D2HGDH: variants seen among roughly 807,000 people sequenced by gnomAD.
D2HGDH encodes D-2-hydroxyglutarate dehydrogenase, mitochondrial.
A neutral mutation model predicts 46.9 loss-of-function variants in D2HGDH; 31 were observed. The ratio of observed to expected loss-of-function variants is 0.66; its 90% confidence interval spans 0.50 to 0.89. The LOEUF (loss-of-function observed/expected upper bound fraction) is 0.89. Among genes scored for constraint, D2HGDH ranks in the 40% least tolerant of loss-of-function variants. The probability of loss-of-function intolerance (pLI) is 0.00; values close to 1 mark genes in which losing one functional copy is unlikely to be tolerated. For synonymous variants in D2HGDH, 364 were observed against 332.6 expected (o/e 1.09, Z -1.03); for missense variants, 698 against 720.8 (o/e 0.97, Z 0.36).
chr2:241,749,012 A>T, intron 6 of D2HGDH: 1 of 1,115,026 alleles, frequency 9.0e-7, no homozygotes, highest in Non-Finnish European at 1.1e-6. Context: ...AGGCCCTGTG[A>T]GGATGGTCCT....
At chr2:241,736,662 C>T (rs1282162550) in intron 2 of D2HGDH, among the ~76,000 whole-genome samples, 1 of 146,432 alleles carries the variant, frequency 6.8e-6, no homozygotes, top group African/African-American at 2.5e-5. Context: ...CTGCAAAGAC[C>T]GTTTATCCGT....
chr2:241,743,486 C>A lies in D2HGDH; in HGVS notation c.491-136C>A. 1.1e-6 allele frequency: 1 copy of A among 921,132 alleles called. No individual in the cohort carries two copies. The allele number at this position is 921,132 out of a possible 1,614,324, so 57.1% of individuals were successfully genotyped here. ...TCCTTGGGCCAGCGATGTGGGGGTG[C>A]CTCTTCTCCTCAGCCCTGGCGCTGA... On this transcript the variant is annotated intron_variant, in intron 4 of 9. Coordinates refer to ENST00000321264, the MANE Select transcript of D2HGDH (RefSeq NM_152783.5). The surrounding 1 kb of genome is among the most constrained non-coding windows in gnomAD (Gnocchi z 4.8).
intron 6 of D2HGDH, among the ~76,000 whole-genome samples, chr2:241,745,668 C>T (rs1695669383): frequency 6.6e-6 from 1 of 152,174 alleles, no homozygotes; most frequent in Admixed American, 6.5e-5. Flanking sequence ...CTTTCTCTGC[C>T]CTCCACTCTC....
chr2:241,747,148 C>G (rs1020550865), intron 6 of D2HGDH, among the ~76,000 whole-genome samples: 9 of 152,032 alleles, frequency 5.9e-5, no homozygotes, highest in African/African-American at 2.2e-4. Context: ...CATGTAACTC[C>G]TGGGCTAAAC....
Position 241,743,848 on chromosome 2 carries a change from G to A in D2HGDH, c.684+33G>A, listed in dbSNP as rs768225022. The A allele has an allele frequency of 1.3e-5, 20 of 1,560,672 alleles. No individual in the cohort carries two copies. The highest frequency in any genetic ancestry group is 5.9e-5 in the South Asian group (5 of 85,378). On this transcript the variant is annotated intron_variant, in intron 5 of 9. Transcript: ENST00000321264. This position sits in a 1 kb window ranked among gnomAD's most constrained non-coding sequence, Gnocchi z 4.8. ...GGGGCAGCTGCTTGGTGCAGAGGTC[G>A]CCACGGGGTGTCCTCTCACGGCTCT...
Position 241,743,247 on chromosome 2 carries a change from T to G in D2HGDH, c.491-375T>G, listed in dbSNP as rs983453974. On this transcript the variant is annotated intron_variant, in intron 4 of 9. Coordinates refer to ENST00000321264, the MANE Select transcript of D2HGDH (RefSeq NM_152783.5). This position sits in a 1 kb window ranked among gnomAD's most constrained non-coding sequence, Gnocchi z 4.8. ...ACTGTTGGGTGTTGAGCAGCATCCTTGGCCTCCGCCTACAAGGTGCCCATG... is the reference window on the plus strand; with the variant it reads ...ACTGTTGGGTGTTGAGCAGCATCCTGGGCCTCCGCCTACAAGGTGCCCATG... Among the ~76,000 whole-genome samples the G allele has an allele frequency of 1.3e-5, 2 of 152,184 alleles. No individual in the cohort carries two copies. Among genetic ancestry groups the G allele is most frequent in the African/African-American group, 4.8e-5 (2 of 41,448 alleles).
rs78941951 is a variant in D2HGDH at position 241,760,131 on chromosome 2, C to T, written c.1306+4117C>T. ...AATCAGTCGAAGGACTTCGCCACAG[C>T]GTGGGTGGGCCTTACCCAATCAGTC... On this transcript the variant is annotated intron_variant, in intron 9 of 9. Coordinates refer to ENST00000321264, the MANE Select transcript of D2HGDH (RefSeq NM_152783.5). Among the ~76,000 whole-genome samples the T allele has an allele frequency of 5.8e-3, 614 of 106,354 alleles. 34 individuals are homozygous for T. The highest frequency in any genetic ancestry group is 9.5e-3 in the Admixed American group (108 of 11,318). 69.8% of individuals were successfully genotyped at this position (106,354 alleles called of 152,430 possible). A position where few individuals can be genotyped will look rare whatever the true frequency, so the allele number is the denominator to read the frequency against.
Position 241,735,487 on chromosome 2 carries a change from C to T in D2HGDH, c.263C>T (p.Pro88Leu), listed in dbSNP as rs750320267. Residue 88 changes from proline (P) to leucine (L), a missense_variant, in exon 2 of 10, where the codon CCC becomes CTC. Transcript: ENST00000321264. The part of the protein sequence containing the change: ...VVTDPEALQA[P>L]NVDWLRTLRG... ...ACGGACCCGGAAGCGCTGCAGGCTC[C>T]CAACGTGGACTGGTTGCGGACGCTG... The T allele has an allele frequency of 3.1e-6, 5 of 1,608,234 alleles. No homozygotes were observed. The highest frequency in any genetic ancestry group is 3.3e-5 in the Admixed American group (2 of 59,982).
chr2:241,735,505 G>A lies in D2HGDH; in HGVS notation c.281G>A (p.Arg94Gln). 6.2e-7 allele frequency: 1 copy of A among 1,606,710 alleles called. No homozygotes were observed. ...ALQAPNVDWLRTLRGCSKVLL... is the reference protein window; with the variant it reads ...ALQAPNVDWLQTLRGCSKVLL... ...CAGGCTCCCAACGTGGACTGGTTGC[G>A]GACGCTGCGAGGTGGGTGAGGCTTG... The change falls in exon 2 of 10, where the codon CGG (arginine) becomes CAG (glutamine). Residue 94 changes from arginine (R) to glutamine (Q), a missense_variant. Coordinates refer to ENST00000321264, the MANE Select transcript of D2HGDH (RefSeq NM_152783.5).
At position 241,767,936 on chromosome 2, in the gene D2HGDH, C is replaced by G. The variant is rs575650000; in HGVS notation, c.1533C>G (p.Leu511=). ...CCCTGCTGGACCCCAAGGGCATCCT[C>G]AACCCCTACAAGACGCTGCCCAGCC... The part of the protein sequence containing the change: ...LKALLDPKGI[L]NPYKTLPSQA The change falls in exon 10 of 10, where the codon CTC becomes CTG. Residue 511 remains leucine (L), a synonymous_variant. Transcript: ENST00000321264. The G allele has an allele frequency of 2.5e-6, 4 of 1,598,996 alleles. No homozygotes were observed. The highest frequency in any genetic ancestry group is 2.2e-5 in the South Asian group (2 of 89,384).
Position 241,758,769 on chromosome 2 carries a change from A to ATGTGTGTGTGTGTGTGTG in D2HGDH, c.1306+2781_1306+2798dup, listed in dbSNP as rs558559121. Among the ~76,000 whole-genome samples the ATGTGTGTGTGTGTGTGTG allele has an allele frequency of 1.4e-3, 189 of 131,956 alleles. 1 individual carries two copies. The highest frequency in any genetic ancestry group is 3.7e-3 in the East Asian group (16 of 4,336). The allele number at this position is 131,956 out of a possible 152,430, so 86.6% of individuals were successfully genotyped here. On this transcript the variant is annotated intron_variant, in intron 9 of 9. Coordinates refer to ENST00000321264, the MANE Select transcript of D2HGDH (RefSeq NM_152783.5). ...TATACCGCCCCCCGCCCCACAATATATGTGTGTGTGTGTGTGTGTGTGTGT... is the reference window on the plus strand; with the variant it reads ...TATACCGCCCCCCGCCCCACAATATATGTGTGTGTGTGTGTGTGTGTGTGTGTGTGTGTGTGTGTGTGT...
rs554153417 is a variant in D2HGDH, at chr2:241,767,677, C to A, written c.1307-33C>A. The A allele has an allele frequency of 4.3e-6, 7 of 1,611,932 alleles. No homozygotes were observed. In the East Asian group the frequency reaches 1.6e-4, roughly 36 times the overall value. ...GAGTGGGGTCCTGGGGGCTGCCCTG[C>A]CCAGCCTGACCCATGTGCCCTTGTC... On this transcript the variant is annotated intron_variant, in intron 9 of 9. Coordinates refer to ENST00000321264, the MANE Select transcript of D2HGDH (RefSeq NM_152783.5).
At position 241,762,048 on chromosome 2, in the gene D2HGDH, A is replaced by AT. The variant is rs201038569; in HGVS notation, c.1307-5662_1307-5661insT. On this transcript the variant is annotated intron_variant, in intron 9 of 9. Transcript: ENST00000321264. ...ATGGAGGGAACAGAGGGAAATAAAT[A>AT]ATTTCTTTCTTTTTCTTTTCCTTTT... Among the ~76,000 whole-genome samples, 1,076 of 148,652 alleles carry AT rather than the reference A, an allele frequency of 7.2e-3. 16 individuals are homozygous for AT. The highest frequency in any genetic ancestry group is 0.026 in the African/African-American group (1,030 of 40,076).
At chr2:241,761,363 A>T (rs1440656744) in intron 9 of D2HGDH, among the ~76,000 whole-genome samples, 1 of 151,952 alleles carries the variant, frequency 6.6e-6, no homozygotes, top group Non-Finnish European at 1.5e-5. Flanking sequence ...ACATGGTGAC[A>T]CCCCATCTCT....
Position 241,735,359 on chromosome 2 carries a change from G to GC in D2HGDH, c.137dup (p.Leu47AlafsTer18), listed in dbSNP as rs1692470994. On this transcript the variant is annotated frameshift_variant, in exon 2 of 10. Coordinates refer to ENST00000321264, the MANE Select transcript of D2HGDH (RefSeq NM_152783.5). LOFTEE classifies it high-confidence loss of function. ...GCTCCGCCCCGGGGACCCCCGAGGT[G>GC]CCGCTGACCCGGGAGCGCTACCCCG... The GC allele has an allele frequency of 6.4e-7, 1 of 1,565,618 alleles. No individual in the cohort carries two copies. The highest frequency in any genetic ancestry group is 1.9e-5 in the Admixed American group (1 of 51,984).
intron 9 of D2HGDH, among the ~76,000 whole-genome samples, chr2:241,762,145 C>T (rs1453425393): frequency 6.8e-6 from 1 of 146,998 alleles, no homozygotes; most frequent in Admixed American, 7.0e-5. Context: ...GATCTTGGCT[C>T]ACTGCAACGT....
rs183029834 is a variant in D2HGDH, at chr2:241,755,123, C to A, written c.1141-726C>A. On this transcript the variant is annotated intron_variant, in intron 8 of 9. Transcript: ENST00000321264. ...TCTGTCTGAGCCCTAGGATTTGGCC[C>A]GGTTCTGCTTCAGCCACCAGCACCG... The A allele has an allele frequency of 3.1e-6, 4 of 1,303,952 alleles. No individual in the cohort carries two copies. In the African/African-American group the frequency reaches 6.1e-5, roughly 20 times the overall value. The allele number at this position is 1,303,952 out of a possible 1,614,324, so 80.8% of individuals were successfully genotyped here. A position where few individuals can be genotyped will look rare whatever the true frequency, so the allele number is the denominator to read the frequency against.
chr2:241,735,299 T>C lies in D2HGDH; in HGVS notation c.75T>C (p.Gly25=). 1 of 1,528,176 alleles carries C rather than the reference T, an allele frequency of 6.5e-7. No homozygotes were observed. The highest frequency in any genetic ancestry group is 8.7e-7 in the Non-Finnish European group (1 of 1,144,120). 94.7% of individuals were successfully genotyped at this position (1,528,176 alleles called of 1,614,324 possible). The change falls in exon 2 of 10, where the codon GGT becomes GGC. Residue 25 remains glycine, a synonymous_variant. Transcript: ENST00000321264. ...CTCCGGGAGCCGCGGGTTCTTGGGG[T>C]CGGCCGGTTGGCCCCCTGGCCCGCA... ...RGAPGAAGSW[G]RPVGPLARRG...
intron 8 of D2HGDH, among the ~76,000 whole-genome samples, chr2:241,754,061 G>T (rs947920645): frequency 6.6e-6 from 1 of 152,250 alleles, no homozygotes; most frequent in African/African-American, 2.4e-5. Context: ...TGAGGGGCGC[G>T]TGCCTGCCAT....
Sources: allele counts gnomAD v4.1 joint callset (sites outside exome capture counted in the v4.1 genomes callset), GRCh38; gene constraint gnomAD v4.1.1; non-coding constraint Gnocchi (gnomAD v3.1); transcripts MANE v1.5; gene names NCBI Gene and HGNC (gene_info 2026-07-23, HGNC 2026-07-21).